GLT1D1: variants seen among roughly 807,000 people sequenced by gnomAD.
GLT1D1 encodes glycosyltransferase 1 domain-containing protein 1.
A neutral mutation model predicts 28.7 loss-of-function variants in GLT1D1; 21 were observed. The ratio of observed to expected loss-of-function variants is 0.73; its 90% CI spans 0.52 to 1.05. The LOEUF (loss-of-function observed/expected upper bound fraction) is 1.05. Among genes scored for constraint, GLT1D1 ranks in the 50% least tolerant of loss-of-function variants. The pLI, the probability that GLT1D1 is intolerant of heterozygous loss-of-function variation, is 0.00. For missense variants in GLT1D1, 343 were observed against 330.6 expected, an observed-to-expected ratio of 1.04 and a Z score of -0.29; for synonymous variants, 147 against 124.8, an observed-to-expected ratio of 1.18 and a Z score of -1.19.
At chr12:128,936,536 G>A (rs1476238633) in intron 4 of GLT1D1, among the ~76,000 whole-genome samples, 3 of 152,156 alleles carry the variant, frequency 2.0e-5, no homozygotes, top group Non-Finnish European at 4.4e-5. Flanking sequence ...GTTTGAGCGT[G>A]GCTTTGGTTT....
chr12:128,974,198 G>A (rs470379), intron 7 of GLT1D1, among the ~76,000 whole-genome samples: 89,917 of 151,878 alleles, frequency 0.59, 27,927 homozygotes, highest in Non-Finnish European at 0.72. Context: ...AAAACATGCA[G>A]TCGGGACCCA....
chr12:128,963,228 C>A (rs1318298155), intron 7 of GLT1D1, among the ~76,000 whole-genome samples: 1 of 152,220 alleles, frequency 6.6e-6, no homozygotes, highest in Non-Finnish European at 1.5e-5. Context: ...CCATCAGTGT[C>A]CTCCTCGCTC....
chr12:128,952,807 C>T (rs12829290), intron 6 of GLT1D1, among the ~76,000 whole-genome samples: 17,270 of 103,804 alleles, frequency 0.17, 1,151 homozygotes, highest in East Asian at 0.25. Context: ...TTGACGTACT[C>T]TTGCTCTGTC....
chr12:128,866,627 T>TA (rs1159782389), intron 1 of GLT1D1, among the ~76,000 whole-genome samples: 5 of 150,824 alleles, frequency 3.3e-5, no homozygotes, highest in African/African-American at 9.8e-5. Context: ...GCTTTTTTTT[T>TA]TTTTTTTTCT....
Position 128,954,683 on chromosome 12 carries a change from C to T in GLT1D1, c.541-2862C>T, listed in dbSNP as rs550966103. ...CATTTAATCTGGACAAGCACGGTAG[C>T]TCACACCTGTAATCCCAACAGTTTG... On this transcript the variant is annotated intron_variant, in intron 6 of 7. Coordinates refer to ENST00000281703, the MANE Select transcript of GLT1D1 (RefSeq NM_144669.3). Among the ~76,000 whole-genome samples, 159 of 152,318 alleles carry T rather than the reference C, an allele frequency of 1.0e-3. 1 individual carries two copies. The highest frequency in any genetic ancestry group is 1.9e-3 in the Non-Finnish European group (130 of 68,040).
At position 128,977,800 on chromosome 12, in the gene GLT1D1, C is replaced by T. The variant is rs533830624; in HGVS notation, c.640-5129C>T. Among the ~76,000 whole-genome samples, 27 of 123,502 alleles carry T rather than the reference C, an allele frequency of 2.2e-4. No homozygotes were observed. In the East Asian group the frequency reaches 5.7e-3, roughly 26 times the overall value. The allele number at this position is 123,502 out of a possible 152,430, so 81.0% of individuals were successfully genotyped here. A position where few individuals can be genotyped will look rare whatever the true frequency, so the allele number is the denominator to read the frequency against. ...TTTTCTTTTTTTTTTTTTTTTGAAA[C>T]AGAGTTTCACTCTTGTCGCCCAGGC... On this transcript the variant is annotated intron_variant, in intron 7 of 7. Coordinates refer to ENST00000281703, the MANE Select transcript of GLT1D1 (RefSeq NM_144669.3).
chr12:128,973,647 T>C (rs1043274840), intron 7 of GLT1D1, among the ~76,000 whole-genome samples: 1 of 151,822 alleles, frequency 6.6e-6, no homozygotes, highest in Non-Finnish European at 1.5e-5. Context: ...GTCCCCCTCT[T>C]CCCTCCCTTT....
rs1166823887 is a variant in GLT1D1, at chr12:128,853,578, C to T, written c.-4C>T. The stretch of plus-strand genomic sequence containing the variant: ...CGGTCGATGGCCCGGGCGGCGGCGG[C>T]GGCATGCGGCTCCTGTTCCTGGCGG... On this transcript the variant is annotated 5_prime_UTR_variant, in exon 1 of 8. Transcript: ENST00000281703. 3.6e-6 allele frequency: 4 copies of T among 1,121,242 alleles called. No individual in the cohort carries two copies. Among genetic ancestry groups the T allele is most frequent in the Non-Finnish European group, 4.4e-6 (4 of 913,366 alleles). The allele number at this position is 1,121,242 out of a possible 1,614,324, so 69.5% of individuals were successfully genotyped here.
chr12:128,856,861 G>T (rs2135751077), intron 1 of GLT1D1, among the ~76,000 whole-genome samples: 1 of 151,790 alleles, frequency 6.6e-6, no homozygotes, highest in South Asian at 2.1e-4. Context: ...CAGCTTCTCG[G>T]GAGGCAGAGG....
rs1349662506 is a variant in GLT1D1, at chr12:128,966,493, G to T, written c.639+8850G>T. On this transcript the variant is annotated intron_variant, in intron 7 of 7. Coordinates refer to ENST00000281703, the MANE Select transcript of GLT1D1 (RefSeq NM_144669.3). ...CTGGCATGTGTCACGGTGCCACACTGCTTGCTCCCCACACCCTCCTCCCCA... is the reference window on the plus strand; with the variant it reads ...CTGGCATGTGTCACGGTGCCACACTTCTTGCTCCCCACACCCTCCTCCCCA... Among the ~76,000 whole-genome samples, 6 of 152,092 alleles carry T rather than the reference G, an allele frequency of 3.9e-5. No homozygotes were observed. The East Asian group carries it at 1.2e-3, about 29-fold the overall frequency.
chr12:128,860,101 G>A (rs1004151563), intron 1 of GLT1D1, among the ~76,000 whole-genome samples: 4 of 152,196 alleles, frequency 2.6e-5, no homozygotes, highest in African/African-American at 9.7e-5. Context: ...CTACACTCTA[G>A]AGATGTCTCC....
chr12:128,984,689 T>A lies in GLT1D1; in HGVS notation c.*1599T>A, dbSNP rs954804770. 2 of 152,290 alleles carry A rather than the reference T, an allele frequency of 1.3e-5. No individual in the cohort carries two copies. The highest frequency in any genetic ancestry group is 4.8e-5 in the African/African-American group (2 of 41,378). The allele number at this position is 152,290 out of a possible 1,614,324, so 9.4% of individuals were successfully genotyped here. Reference sequence around the variant, plus strand: ...AGGCAGATCCTGGGCCGGGAGAGGATGGCCTGGTCTGAATCTGGAGTAATT... The same window carrying A: ...AGGCAGATCCTGGGCCGGGAGAGGAAGGCCTGGTCTGAATCTGGAGTAATT... On this transcript the variant is annotated 3_prime_UTR_variant, in exon 8 of 8. Transcript: ENST00000281703.
chr12:128,976,647 G>GA (rs1218470922), intron 7 of GLT1D1, among the ~76,000 whole-genome samples: 1 of 152,156 alleles, frequency 6.6e-6, no homozygotes, highest in Non-Finnish European at 1.5e-5. Flanking sequence ...GCTCATCTTG[G>GA]AAAAATAAGT....
chr12:128,854,978 C>G (rs1956178746), intron 1 of GLT1D1, among the ~76,000 whole-genome samples: 1 of 152,108 alleles, frequency 6.6e-6, no homozygotes, highest in African/African-American at 2.4e-5. Flanking sequence ...GTCAGTGATG[C>G]TCTGCTTGGG....
chr12:128,931,237 G>A (rs546061396), intron 4 of GLT1D1, among the ~76,000 whole-genome samples: 1 of 151,406 alleles, frequency 6.6e-6, no homozygotes, highest in African/African-American at 2.4e-5. Flanking sequence ...TCCTGACCTC[G>A]TGATCTGCCT....
chr12:128,929,086 G>A lies in GLT1D1; in HGVS notation c.376-16240G>A, dbSNP rs1371361888. 5.3e-5 allele frequency among the ~76,000 whole-genome samples: 8 copies of A among 152,128 alleles called. No homozygotes were observed. The South Asian group carries it at 8.3e-4, about 16-fold the overall frequency. On this transcript the variant is annotated intron_variant, in intron 4 of 7. Transcript: ENST00000281703. ...GATTTGTGCCCATTAGGGAGGCCCC[G>A]GAGAGCTGCCTCGCCCCTTCCACCA...
chr12:128,924,288 G>A (rs1872955677), intron 4 of GLT1D1, among the ~76,000 whole-genome samples: 1 of 151,862 alleles, frequency 6.6e-6, no homozygotes, highest in Non-Finnish European at 1.5e-5. Context: ...GTAGCTCGGG[G>A]TGGTGGTGTG....
chr12:128,971,336 C>T (rs28752011), intron 7 of GLT1D1, among the ~76,000 whole-genome samples: 1 of 131,616 alleles, frequency 7.6e-6, no homozygotes, highest in East Asian at 2.7e-4. Context: ...CTTTCTTCCT[C>T]CCTCCTTTTC....
chr12:128,983,178 G>A lies in GLT1D1; in HGVS notation c.*88G>A. The stretch of plus-strand genomic sequence containing the variant: ...GAGTTCTGGATCACGTGGGCCCAGT[G>A]CAGTTCAAATAAAACCAGCCTCAGC... On this transcript the variant is annotated 3_prime_UTR_variant, in exon 8 of 8. Coordinates refer to ENST00000281703, the MANE Select transcript of GLT1D1 (RefSeq NM_144669.3). The surrounding 1 kb of genome is among the most constrained non-coding windows in gnomAD (Gnocchi z 4.7). 2.4e-6 allele frequency: 3 copies of A among 1,238,028 alleles called. No homozygotes were observed. Among genetic ancestry groups the A allele is most frequent in the Non-Finnish European group, 3.4e-6 (3 of 872,006 alleles). 76.7% of individuals were successfully genotyped at this position (1,238,028 alleles called of 1,614,324 possible). A position where few individuals can be genotyped will look rare whatever the true frequency, so the allele number is the denominator to read the frequency against.
Sources: allele counts gnomAD v4.1 joint callset (sites outside exome capture counted in the v4.1 genomes callset), GRCh38; gene constraint gnomAD v4.1.1; non-coding constraint Gnocchi (gnomAD v3.1); transcripts MANE v1.5; gene names NCBI Gene and HGNC (gene_info 2026-07-23, HGNC 2026-07-21).